The following ARHGAP26 variants were observed in gnomAD, a reference collection of about 807,000 sequenced individuals.
The protein encoded by ARHGAP26 is Rho GTPase activating protein 26.
In ARHGAP26, 38 loss-of-function variants were observed where a neutral mutation model predicts 104.8. That is an observed-to-expected ratio of 0.36 (90% CI 0.28 to 0.48). The LOEUF (loss-of-function observed/expected upper bound fraction) is 0.48. Among genes scored for constraint, ARHGAP26 ranks in the 20% least tolerant of loss-of-function variants. The probability of loss-of-function intolerance (pLI) is 0.99; values close to 1 mark genes in which losing one functional copy is unlikely to be tolerated. For missense variants in ARHGAP26, 704 were observed against 947.9 expected, an observed-to-expected ratio of 0.74 and a Z score of 3.38; for synonymous variants, 341 against 340.0, an observed-to-expected ratio of 1.00 and a Z score of -0.03.
intron 17 of ARHGAP26, among the ~76,000 whole-genome samples, chr5:143,099,550 T>C (rs1792911386): frequency 6.6e-6 from 1 of 152,252 alleles, no homozygotes; most frequent in Non-Finnish European, 1.5e-5. Context: ...TATCTCAGCC[T>C]GGCATCTGTA....
chr5:142,846,767 TG>T (rs1403214620), intron 1 of ARHGAP26, among the ~76,000 whole-genome samples: 1 of 152,222 alleles, frequency 6.6e-6, no homozygotes, highest in Non-Finnish European at 1.5e-5. Context: ...TTGAGTAGTT[TG>T]GCAGATGTCC....
At chr5:143,142,085 T>C (rs1238408494) in intron 19 of ARHGAP26, among the ~76,000 whole-genome samples, 1 of 151,758 alleles carries the variant, frequency 6.6e-6, no homozygotes. Context: ...GGTTTTAATA[T>C]CATCTTTCAT....
rs1756620254 is a variant in ARHGAP26, at chr5:142,879,445, G to C, written c.384G>C (p.Lys128Asn). 2 of 1,609,428 alleles carry C rather than the reference G, an allele frequency of 1.2e-6. No individual in the cohort carries two copies. The highest frequency in any genetic ancestry group is 2.2e-5 in the South Asian group (2 of 90,176). ...KFRKEQIGAA[K>N]EAKKKYDKET... ...GAAAGGAACAGATCGGGGCTGCCAAGGTGAGAATTTTGCAAGCTTTGGTCT... is the reference window on the plus strand; with the variant it reads ...GAAAGGAACAGATCGGGGCTGCCAACGTGAGAATTTTGCAAGCTTTGGTCT... Residue 128 changes from lysine (K) to asparagine (N), a missense_variant and splice_region_variant, in exon 4 of 23, where the codon AAG becomes AAC. Physicochemically the swap from Lys to Asn is moderately conservative, Grantham distance 94 (BLOSUM62 0). Around this residue, in one of 6 missense-constraint regions of ARHGAP26, gnomAD observed 106 missense variants for 120.5 expected, o/e 0.88. Transcript: ENST00000645722.
At position 142,871,948 on chromosome 5, in the gene ARHGAP26, C is replaced by A. The variant is rs760704401; in HGVS notation, c.155-1452C>A. Among the ~76,000 whole-genome samples the A allele has an allele frequency of 6.6e-6, 1 of 152,224 alleles. No homozygotes were observed. Among genetic ancestry groups the A allele is most frequent in the Admixed American group, 6.5e-5 (1 of 15,290 alleles). Reference sequence around the variant, plus strand: ...CGCTTTGGACAAACCGCAGCTATCTCGGGACCGTGTCATCACAGCGTGTGG... The same window carrying A: ...CGCTTTGGACAAACCGCAGCTATCTAGGGACCGTGTCATCACAGCGTGTGG... On this transcript the variant is annotated intron_variant, in intron 1 of 22. Coordinates refer to ENST00000645722, the MANE Select transcript of ARHGAP26 (RefSeq NM_001135608.3). This position sits in a 1 kb window ranked among gnomAD's most constrained non-coding sequence, Gnocchi z 4.1.
intron 11 of ARHGAP26, among the ~76,000 whole-genome samples, chr5:142,983,088 G>A (rs1206922492): frequency 6.6e-6 from 1 of 152,208 alleles, no homozygotes; most frequent in African/African-American, 2.4e-5. Context: ...GAGGAGGACA[G>A]GTCCCCTGAC....
At chr5:142,983,300 G>A (rs544824810) in intron 11 of ARHGAP26, among the ~76,000 whole-genome samples, 36 of 152,132 alleles carry the variant, frequency 2.4e-4, no homozygotes, top group African/African-American at 8.4e-4. Context: ...TCCACCTCCC[G>A]GGTTCAAGCG....
chr5:143,220,523 C>G (rs1460635946), intron 22 of ARHGAP26, among the ~76,000 whole-genome samples: 3 of 152,162 alleles, frequency 2.0e-5, no homozygotes, highest in Non-Finnish European at 2.9e-5. Context: ...ATCTTGGAAG[C>G]TTTGGTTGGA....
At chr5:143,145,004 A>G (rs763529717) in intron 19 of ARHGAP26, among the ~76,000 whole-genome samples, 4 of 152,192 alleles carry the variant, frequency 2.6e-5, no homozygotes, top group Admixed American at 6.5e-5. Flanking sequence ...TTCTTGTCAT[A>G]TGGCCCAGCA....
intron 11 of ARHGAP26, among the ~76,000 whole-genome samples, chr5:142,982,119 TCAGA>T (rs1467729900): frequency 1.3e-5 from 2 of 152,326 alleles, no homozygotes; most frequent in Non-Finnish European, 2.9e-5. Flanking sequence ...AGCAGGCTGT[TCAGA>T]CAGTGGACTG....
intron 20 of ARHGAP26, among the ~76,000 whole-genome samples, chr5:143,158,054 A>G (rs965089434): frequency 1.3e-5 from 2 of 152,246 alleles, no homozygotes; most frequent in South Asian, 2.1e-4. Flanking sequence ...GTATCAATCA[A>G]TAAAACCAAT....
At chr5:143,097,468 G>A (rs1254276360) in intron 17 of ARHGAP26, among the ~76,000 whole-genome samples, 1 of 151,150 alleles carries the variant, frequency 6.6e-6, no homozygotes, top group African/African-American at 2.4e-5. Flanking sequence ...TATAGAAGTC[G>A]TCATTTACCT....
intron 20 of ARHGAP26, among the ~76,000 whole-genome samples, chr5:143,148,818 T>G (rs545878680): frequency 6.6e-6 from 1 of 152,330 alleles, no homozygotes; most frequent in Admixed American, 6.5e-5. Flanking sequence ...TTGGTTTAAT[T>G]TTCTGTACCT....
chr5:143,110,001 C>T lies in ARHGAP26; in HGVS notation c.1539-10987C>T, dbSNP rs1165703939. The stretch of plus-strand genomic sequence containing the variant: ...CCTCTTGCTCTCTGGGCTCCAGGTA[C>T]ACTGGCATTACCAGCATGCCACCCA... On this transcript the variant is annotated intron_variant, in intron 17 of 22. Coordinates refer to ENST00000645722, the MANE Select transcript of ARHGAP26 (RefSeq NM_001135608.3). Among the ~76,000 whole-genome samples, 10 of 152,318 alleles carry T rather than the reference C, an allele frequency of 6.6e-5. No homozygotes were observed. In the South Asian group the frequency reaches 2.1e-3, roughly 32 times the overall value.
intron 17 of ARHGAP26, among the ~76,000 whole-genome samples, chr5:143,072,900 G>A (rs2150386924): frequency 6.6e-6 from 1 of 152,264 alleles, no homozygotes; most frequent in South Asian, 2.1e-4. Flanking sequence ...CCAGTAGGAG[G>A]ATGTTGAACA....
intron 1 of ARHGAP26, among the ~76,000 whole-genome samples, chr5:142,792,266 T>A (rs915852388): frequency 6.6e-6 from 1 of 152,240 alleles, no homozygotes; most frequent in Non-Finnish European, 1.5e-5. Flanking sequence ...TAGTTCCACA[T>A]GCATAAATGG....
At chr5:143,020,740 G>A (rs1032304239) in intron 12 of ARHGAP26, among the ~76,000 whole-genome samples, 9 of 142,304 alleles carry the variant, frequency 6.3e-5, no homozygotes, top group Admixed American at 3.0e-4. Context: ...CCGGGTTCAC[G>A]CCATTCTCCT....
At position 143,223,303 on chromosome 5, in the gene ARHGAP26, T is replaced by C. The variant is rs1811416321; in HGVS notation, c.*857T>C. On this transcript the variant is annotated 3_prime_UTR_variant, in exon 23 of 23. Transcript: ENST00000645722. Reference sequence around the variant, plus strand: ...GAAGCACAGGATCAAGGAATTAGGGTGGTCTACTTGAGGCAGATGGGATAG... The same window carrying C: ...GAAGCACAGGATCAAGGAATTAGGGCGGTCTACTTGAGGCAGATGGGATAG... The C allele has an allele frequency of 4.3e-6, 1 of 233,060 alleles. No homozygotes were observed. The highest frequency in any genetic ancestry group is 8.5e-6 in the Non-Finnish European group (1 of 117,774). The allele number at this position is 233,060 out of a possible 1,614,324, so 14.4% of individuals were successfully genotyped here.
chr5:143,228,696 G>A lies in ARHGAP26; in HGVS notation c.*6250G>A, dbSNP rs567239303. The A allele has an allele frequency of 1.5e-5, 3 of 206,412 alleles. No homozygotes were observed. Among genetic ancestry groups the A allele is most frequent in the African/African-American group, 6.8e-5 (3 of 43,956 alleles). 12.8% of individuals were successfully genotyped at this position (206,412 alleles called of 1,614,324 possible). On this transcript the variant is annotated 3_prime_UTR_variant, in exon 23 of 23. Transcript: ENST00000645722. The stretch of plus-strand genomic sequence containing the variant: ...AGTACTTATTAAATGGCACTTTAAT[G>A]TTTTCTTTTAAAATAACGCACTGTT...
At chr5:143,196,324 C>G (rs915422055) in intron 20 of ARHGAP26, among the ~76,000 whole-genome samples, 1 of 152,090 alleles carries the variant, frequency 6.6e-6, no homozygotes, top group African/African-American at 2.4e-5. Context: ...ATTTTAACCT[C>G]ATAAATACAG....
Sources: allele counts gnomAD v4.1 joint callset (sites outside exome capture counted in the v4.1 genomes callset), GRCh38; gene constraint gnomAD v4.1.1; regional missense constraint gnomAD v4.1.1; non-coding constraint Gnocchi (gnomAD v3.1); transcripts MANE v1.5; gene names NCBI Gene and HGNC (gene_info 2026-07-23, HGNC 2026-07-21).